Variants in PBX1 observed in about 807,000 individuals in gnomAD.
PBX1 encodes the protein PBX homeobox 1.
PBX1 carries 6 observed loss-of-function variants against 53.4 expected under a neutral mutation model. That is an observed-to-expected ratio of 0.11 (90% CI 0.06 to 0.22). The LOEUF is 0.22. Among genes scored for constraint, PBX1 ranks in the 10% least tolerant of loss-of-function variants. The pLI is 1.00. For synonymous variants in PBX1, 204 were observed against 212.3 expected, an observed-to-expected ratio of 0.96 and a Z score of 0.34; for missense variants, 251 against 551.4, an observed-to-expected ratio of 0.46 and a Z score of 5.46.
chr1:164,594,544 GT>G (rs1655625324), intron 2 of PBX1, among the ~76,000 whole-genome samples: 2 of 152,138 alleles, frequency 1.3e-5, no homozygotes, highest in Non-Finnish European at 2.9e-5. Context: ...GCCTCCCAAA[GT>G]GCTGGGATTA....
At chr1:164,860,860 G>C (rs1672080449) in intron 2 of PBX1, among the ~76,000 whole-genome samples, 2 of 152,082 alleles carry the variant, frequency 1.3e-5, no homozygotes, top group Non-Finnish European at 2.9e-5. Context: ...ACAAGAGAGG[G>C]AGGAAGGAAC....
chr1:164,856,476 AT>A (rs559046234), downstream of PBX1, among the ~76,000 whole-genome samples: 4 of 151,742 alleles, frequency 2.6e-5, no homozygotes, highest in Non-Finnish European at 5.9e-5. Context: ...TATATTTTTA[AT>A]TTTTTTTCAA....
At chr1:164,868,212 C>A (rs2102450204) in intron 2 of PBX1, among the ~76,000 whole-genome samples, 1 of 152,280 alleles carries the variant, frequency 6.6e-6, no homozygotes, top group African/African-American at 2.4e-5. Flanking sequence ...GAGGTGACTT[C>A]TGAGGGGGGC....
chr1:164,712,254 G>A (rs138108230), intron 2 of PBX1, among the ~76,000 whole-genome samples: 2 of 150,908 alleles, frequency 1.3e-5, no homozygotes, highest in East Asian at 3.9e-4. Context: ...CTACCCACTC[G>A]TTACAATTAA....
chr1:164,593,298 A>G (rs984903409), intron 2 of PBX1, among the ~76,000 whole-genome samples: 4 of 152,110 alleles, frequency 2.6e-5, no homozygotes, highest in Non-Finnish European at 5.9e-5. Context: ...TCTCTTTATA[A>G]TTCCAGACAT....
intron 2 of PBX1, among the ~76,000 whole-genome samples, chr1:164,744,048 T>C (rs569345656): frequency 6.6e-5 from 10 of 152,152 alleles, no homozygotes; most frequent in African/African-American, 2.4e-4. Context: ...CACGATTGAT[T>C]AGTCTTGATT....
intron 2 of PBX1, among the ~76,000 whole-genome samples, chr1:164,693,767 A>G (rs1165168786): frequency 6.6e-6 from 1 of 152,158 alleles, no homozygotes; most frequent in Non-Finnish European, 1.5e-5. Flanking sequence ...CCAATGAAGA[A>G]CAGATCTGTC....
intron 2 of PBX1, among the ~76,000 whole-genome samples, chr1:164,625,600 GC>G (rs1179235032): frequency 6.6e-6 from 1 of 152,108 alleles, no homozygotes; most frequent in East Asian, 1.9e-4. Flanking sequence ...TTATAAGCGA[GC>G]CAGTGGAAAA....
In PBX1 at chr1:164,811,617, A is replaced by G. The variant is rs141943941; in HGVS notation, c.838-373A>G. Among the ~76,000 whole-genome samples, 427 of 152,360 alleles carry G rather than the reference A, an allele frequency of 2.8e-3. 9 individuals are homozygous for G. In the South Asian group the frequency reaches 0.045, roughly 16 times the overall value. On this transcript the variant is annotated intron_variant, in intron 5 of 8. Transcript: ENST00000420696. Reference sequence around the variant, plus strand: ...TTGATGGCATCAAGCCAGCTTTCACATTGATAAACGCTAGGGGCATTTCTC... The same window carrying G: ...TTGATGGCATCAAGCCAGCTTTCACGTTGATAAACGCTAGGGGCATTTCTC...
chr1:164,678,964 G>T (rs1038499951), intron 2 of PBX1, among the ~76,000 whole-genome samples: 1 of 152,102 alleles, frequency 6.6e-6, no homozygotes, highest in Non-Finnish European at 1.5e-5. Context: ...AATCACGTAC[G>T]TGGTGTGGAA....
intron 8 of PBX1, among the ~76,000 whole-genome samples, chr1:164,836,513 G>C (rs952561083): frequency 2.0e-5 from 3 of 152,184 alleles, no homozygotes; most frequent in African/African-American, 7.2e-5. Context: ...TGAGCACATA[G>C]ATTGTTTTCA....
At chr1:164,565,317 CTAAA>C (rs1007834625) in intron 2 of PBX1, among the ~76,000 whole-genome samples, 1 of 151,702 alleles carries the variant, frequency 6.6e-6, no homozygotes, top group Non-Finnish European at 1.5e-5. Context: ...TTAAAAAAAT[CTAAA>C]TTAAGGTTTT....
intron 2 of PBX1, among the ~76,000 whole-genome samples, chr1:164,744,227 C>G (rs1472140762): frequency 6.6e-6 from 1 of 152,140 alleles, no homozygotes; most frequent in Non-Finnish European, 1.5e-5. Flanking sequence ...GTGTCTGACT[C>G]AAGAGGGGAT....
intron 2 of PBX1, among the ~76,000 whole-genome samples, chr1:164,585,546 G>A (rs1031041165): frequency 6.6e-6 from 1 of 152,142 alleles, no homozygotes; most frequent in African/African-American, 2.4e-5. Context: ...CTTTGAGGGG[G>A]GTAGTCAGGC....
intron 2 of PBX1, among the ~76,000 whole-genome samples, chr1:164,663,201 C>T (rs1266457877): frequency 9.3e-5 from 14 of 150,198 alleles, no homozygotes; most frequent in Admixed American, 2.0e-4. Context: ...TTCCTTCCTG[C>T]CTTCCTTCCT....
chr1:164,562,452 T>TACAC (rs6143458), intron 1 of PBX1, among the ~76,000 whole-genome samples: 4,213 of 143,346 alleles, frequency 0.029, 74 homozygotes, highest in East Asian at 0.048. Flanking sequence ...GCATTCAGAA[T>TACAC]ACACACACAC....
At chr1:164,647,525 G>A (rs1404395247) in intron 2 of PBX1, among the ~76,000 whole-genome samples, 1 of 152,156 alleles carries the variant, frequency 6.6e-6, no homozygotes, top group African/African-American at 2.4e-5. Context: ...TCCCAGGTAT[G>A]ATCTTTTAAG....
chr1:164,763,717 C>T (rs1337044896), intron 2 of PBX1, among the ~76,000 whole-genome samples: 2 of 152,196 alleles, frequency 1.3e-5, no homozygotes, highest in Admixed American at 1.3e-4. Context: ...TAAATGTTTG[C>T]TGTATTGGGT....
chr1:164,734,848 A>G (rs1271460114), intron 2 of PBX1, among the ~76,000 whole-genome samples: 6 of 152,182 alleles, frequency 3.9e-5, no homozygotes. Flanking sequence ...ACTTTCTGCT[A>G]TTACTTTAGG....
Sources: gnomAD v4.1 joint callset for allele counts (sites outside exome capture counted in the v4.1 genomes callset) on GRCh38, gnomAD v4.1.1 for gene constraint, MANE v1.5 for transcripts, NCBI Gene and HGNC (gene_info 2026-07-23, HGNC 2026-07-21) for gene names.